LTBP1: variants seen among roughly 807,000 people sequenced by gnomAD.
LTBP1 encodes latent transforming growth factor beta binding protein 1.
LTBP1 carries 129 observed loss-of-function variants against 207.6 expected under a neutral mutation model. The ratio of observed to expected loss-of-function variants is 0.62; its 90% CI spans 0.54 to 0.72. The LOEUF is 0.72. LTBP1 is among the 30% of genes least tolerant of loss of function. LTBP1 has a pLI of 0.00. For synonymous variants in LTBP1, 963 were observed against 833.7 expected (o/e 1.16, Z -2.67); for missense variants, 2,281 against 2,217.2 (o/e 1.03, Z -0.58).
chr2:33,043,455 A>G (rs2076292238), intron 3 of LTBP1, among the ~76,000 whole-genome samples: 1 of 152,200 alleles, frequency 6.6e-6, no homozygotes, highest in Non-Finnish European at 1.5e-5. Context: ...GCATCTTGCC[A>G]TGCTATATTT....
intron 3 of LTBP1, among the ~76,000 whole-genome samples, chr2:33,053,483 G>GGCAGCCCTC (rs758291225): frequency 6.6e-6 from 1 of 151,848 alleles, no homozygotes; most frequent in African/African-American, 2.4e-5. Flanking sequence ...ACAGCGTGCT[G>GGCAGCCCTC]GCAGCCCTCG....
chr2:33,121,540 C>G (rs219056), intron 4 of LTBP1, among the ~76,000 whole-genome samples: 2,623 of 152,168 alleles, frequency 0.017, 32 homozygotes, highest in South Asian at 0.037. Flanking sequence ...AACCAACACC[C>G]CTTAATGGCT....
intron 2 of LTBP1, among the ~76,000 whole-genome samples, chr2:33,008,328 A>G (rs1687210795): frequency 6.6e-6 from 1 of 152,234 alleles, no homozygotes; most frequent in Admixed American, 6.5e-5. Context: ...ACTCTGTCTC[A>G]CATATTGTTT....
At chr2:32,998,655 G>T (rs1685663151) in intron 2 of LTBP1, among the ~76,000 whole-genome samples, 1 of 152,050 alleles carries the variant, frequency 6.6e-6, no homozygotes, top group African/African-American at 2.4e-5. Flanking sequence ...TAGGAGGTGG[G>T]CCTTTGGGAG....
rs368300026 is a variant in LTBP1 at position 33,005,958 on chromosome 2, G to A, written c.566-14951G>A. Among the ~76,000 whole-genome samples the A allele has an allele frequency of 1.1e-4, 17 of 151,986 alleles. No individual in the cohort carries two copies. The South Asian group carries it at 3.1e-3, about 28-fold the overall frequency. On this transcript the variant is annotated intron_variant, in intron 2 of 33. Coordinates refer to ENST00000404816, the MANE Select transcript of LTBP1 (RefSeq NM_206943.4). ...GTAGAATCATTTGAGGTCATCTTTA[G>A]AGACTAGCTACCACGAAGAACCACA...
At chr2:33,053,465 G>A (rs999725234) in intron 3 of LTBP1, among the ~76,000 whole-genome samples, 2 of 151,834 alleles carry the variant, frequency 1.3e-5, no homozygotes, top group Non-Finnish European at 2.9e-5. Flanking sequence ...GAGTATTATT[G>A]AAAGGTGACA....
intron 9 of LTBP1, 118 bp from the exon 10 acceptor site, chr2:33,243,544 C>T (rs2092407792): frequency 4.5e-6 from 4 of 894,086 alleles, no homozygotes; most frequent in African/African-American, 3.4e-5. Context: ...CTGCTACATC[C>T]TTTTTTCACT....
intron 5 of LTBP1, among the ~76,000 whole-genome samples, chr2:33,180,018 AC>A (rs1275769174): frequency 1.3e-5 from 2 of 152,128 alleles, no homozygotes; most frequent in African/African-American, 4.8e-5. Flanking sequence ...TTTCTAAAAC[AC>A]CTCACCTCAA....
chr2:33,176,605 G>T (rs922762793), intron 5 of LTBP1, among the ~76,000 whole-genome samples: 1 of 152,104 alleles, frequency 6.6e-6, no homozygotes, highest in Non-Finnish European at 1.5e-5. Context: ...TTCATCTGTT[G>T]ATATACTCAG....
intron 4 of LTBP1, among the ~76,000 whole-genome samples, chr2:33,131,986 C>T (rs2081832855): frequency 6.6e-6 from 1 of 152,112 alleles, no homozygotes; most frequent in Admixed American, 6.5e-5. Context: ...TCTCAGTTTG[C>T]CTAAGTGAGC....
At chr2:33,164,215 G>A (rs1343806057) in intron 5 of LTBP1, among the ~76,000 whole-genome samples, 2 of 151,678 alleles carry the variant, frequency 1.3e-5, no homozygotes, top group African/African-American at 2.4e-5. Context: ...TGGGTGTGGT[G>A]GTGCATGCCT....
chr2:32,970,264 TTTAA>T (rs760991305), intron 2 of LTBP1, among the ~76,000 whole-genome samples: 7 of 152,216 alleles, frequency 4.6e-5, no homozygotes, highest in Non-Finnish European at 1.0e-4. Context: ...AGCTCTTTAG[TTTAA>T]TTAGGTTCCA....
intron 5 of LTBP1, among the ~76,000 whole-genome samples, chr2:33,181,405 G>A (rs1056243410): frequency 1.3e-5 from 2 of 152,326 alleles, no homozygotes; most frequent in African/African-American, 2.4e-5. Context: ...ACAGACCAAA[G>A]TGAATGGTGG....
At chr2:32,975,055 T>C (rs1681494432) in intron 2 of LTBP1, among the ~76,000 whole-genome samples, 2 of 152,274 alleles carry the variant, frequency 1.3e-5, no homozygotes, top group African/African-American at 4.8e-5. Flanking sequence ...TAAGGACCTC[T>C]TGTAAGGCTG....
rs544547378 is a variant in LTBP1 at position 33,163,155 on chromosome 2, T to G, written c.1202-23701T>G. On this transcript the variant is annotated intron_variant, in intron 5 of 33. Transcript: ENST00000404816. The stretch of plus-strand genomic sequence containing the variant: ...TGCCACCACGCCTGGCTAATTGTAT[T>G]TTTTATAGAAACAGGGTTTTGCCAT... Among the ~76,000 whole-genome samples, 3 of 152,272 alleles carry G rather than the reference T, an allele frequency of 2.0e-5. No homozygotes were observed. In the South Asian group the frequency reaches 6.2e-4, roughly 32 times the overall value.
intron 3 of LTBP1, among the ~76,000 whole-genome samples, chr2:33,072,914 G>A (rs557460643): frequency 5.9e-4 from 90 of 152,308 alleles, no homozygotes; most frequent in Admixed American, 1.8e-3. Context: ...CAGAGGGGGC[G>A]AGGATATGTA....
At chr2:33,214,795 G>A (rs557119183) in intron 7 of LTBP1, among the ~76,000 whole-genome samples, 17 of 151,928 alleles carry the variant, frequency 1.1e-4, no homozygotes, top group African/African-American at 4.1e-4. Context: ...GAGATGTGAT[G>A]GTCTTGGGCT....
At chr2:33,240,921 AT>A (rs935626481) in intron 9 of LTBP1, among the ~76,000 whole-genome samples, 20 of 152,110 alleles carry the variant, frequency 1.3e-4, no homozygotes, top group African/African-American at 4.8e-4. Flanking sequence ...AAGTGCTGGG[AT>A]TACAGGCGTG....
chr2:33,196,308 AGAAG>A (rs2088557798), intron 7 of LTBP1, among the ~76,000 whole-genome samples: 2 of 96,540 alleles, frequency 2.1e-5, no homozygotes, highest in South Asian at 9.4e-4. Context: ...TATTTTAGAA[AGAAG>A]GGGGAAAATA....
Sources: allele counts gnomAD v4.1 joint callset (sites outside exome capture counted in the v4.1 genomes callset), GRCh38; gene constraint gnomAD v4.1.1; transcripts MANE v1.5; gene names NCBI Gene and HGNC (gene_info 2026-07-23, HGNC 2026-07-21).